The following CNTNAP2 variants were observed in gnomAD, a reference collection of about 807,000 sequenced individuals.
The protein encoded by CNTNAP2 is contactin associated protein 2.
In CNTNAP2, 98 loss-of-function variants were observed where a neutral mutation model predicts 155.2. The ratio of observed to expected loss-of-function variants is 0.63; its 90% CI spans 0.54 to 0.75. CNTNAP2 has a LOEUF of 0.75. CNTNAP2 is among the 30% of genes least tolerant of loss of function. CNTNAP2 has a pLI of 0.00. For missense variants in CNTNAP2, 1,727 were observed against 1,688.1 expected, an observed-to-expected ratio of 1.02 and a Z score of -0.40; for synonymous variants, 651 against 631.2, an observed-to-expected ratio of 1.03 and a Z score of -0.47.
At chr7:146,886,944 C>G (rs983334324) in intron 3 of CNTNAP2, among the ~76,000 whole-genome samples, 1 of 151,630 alleles carries the variant, frequency 6.6e-6, no homozygotes, top group Admixed American at 6.6e-5. Context: ...GACGTCTGCC[C>G]TGCTGCTCAG....
chr7:148,020,992 T>C (rs1188438583), intron 15 of CNTNAP2, among the ~76,000 whole-genome samples: 1 of 152,240 alleles, frequency 6.6e-6, no homozygotes, highest in African/African-American at 2.4e-5. Flanking sequence ...CTTTCTTGCA[T>C]TTCTTCTTCT....
chr7:147,840,474 C>G (rs1798710681), intron 13 of CNTNAP2, among the ~76,000 whole-genome samples: 2 of 152,114 alleles, frequency 1.3e-5, no homozygotes, highest in Non-Finnish European at 2.9e-5. Flanking sequence ...GTCCAGGTAG[C>G]TCTAGGAGAG....
At chr7:148,111,274 C>T (rs574977721) in intron 15 of CNTNAP2, among the ~76,000 whole-genome samples, 5 of 151,870 alleles carry the variant, frequency 3.3e-5, no homozygotes, top group East Asian at 3.9e-4. Flanking sequence ...GAAACAGAGG[C>T]GACAGAGAAA....
chr7:147,905,832 C>T (rs1216381930), intron 14 of CNTNAP2, among the ~76,000 whole-genome samples: 1 of 151,362 alleles, frequency 6.6e-6, no homozygotes, highest in African/African-American at 2.4e-5. Flanking sequence ...TGCAGTGAGC[C>T]AAGATCCCAG....
At chr7:146,901,033 A>C (rs199894761) in intron 3 of CNTNAP2, among the ~76,000 whole-genome samples, 1 of 74,496 alleles carries the variant, frequency 1.3e-5, no homozygotes, top group Non-Finnish European at 3.6e-5. Context: ...TAAAGTAGTA[A>C]TAATAATAAT....
rs191873542 is a variant in CNTNAP2, at chr7:148,173,745, A to C, written c.3010+1267A>C. On this transcript the variant is annotated intron_variant, in intron 18 of 23. Transcript: ENST00000361727. Reference sequence around the variant, plus strand: ...ATTGAATGGGCCTGCAGAACACATTAATTTTGCACTTGTAGAAATGACAGT... The same window carrying C: ...ATTGAATGGGCCTGCAGAACACATTCATTTTGCACTTGTAGAAATGACAGT... Among the ~76,000 whole-genome samples the C allele has an allele frequency of 2.6e-5, 4 of 152,348 alleles. No individual in the cohort carries two copies. In the East Asian group the frequency reaches 5.8e-4, roughly 22 times the overall value.
intron 1 of CNTNAP2, among the ~76,000 whole-genome samples, chr7:146,766,809 A>C (rs1450980556): frequency 1.3e-5 from 2 of 152,142 alleles, no homozygotes; most frequent in African/African-American, 2.4e-5. Flanking sequence ...TCCAAATTGG[A>C]AGGATTGAGA....
intron 1 of CNTNAP2, among the ~76,000 whole-genome samples, chr7:146,595,188 A>G (rs139803402): frequency 1.3e-5 from 2 of 152,236 alleles, no homozygotes; most frequent in Non-Finnish European, 2.9e-5. Flanking sequence ...ATTACTTGGC[A>G]TAAAAATTTC....
intron 8 of CNTNAP2, chr7:147,161,608 C>T (rs1802024941): frequency 7.6e-6 from 1 of 130,978 alleles, no homozygotes. Flanking sequence ...AAAGAGCTGA[C>T]TCATCATTCA....
intron 11 of CNTNAP2, among the ~76,000 whole-genome samples, chr7:147,535,791 A>G (rs1388568152): frequency 6.6e-6 from 1 of 152,226 alleles, no homozygotes; most frequent in African/African-American, 2.4e-5. Flanking sequence ...ATACAGCAGT[A>G]AAAACAGTTT....
intron 18 of CNTNAP2, among the ~76,000 whole-genome samples, chr7:148,182,643 C>G (rs1218217301): frequency 6.6e-6 from 1 of 152,198 alleles, no homozygotes; most frequent in Non-Finnish European, 1.5e-5. Context: ...ATTTTTACCT[C>G]TATTAATTCC....
At position 146,125,124 on chromosome 7, in the gene CNTNAP2, A is replaced by C. The variant is rs575388431; in HGVS notation, c.97+8151A>C. ...TTTCAATGGCAGTAATGAAATTTCC[A>C]AAAATGAAATTTAATCATGCCTCAT... On this transcript the variant is annotated intron_variant, in intron 1 of 23. Transcript: ENST00000361727. Among the ~76,000 whole-genome samples, 4 of 152,344 alleles carry C rather than the reference A, an allele frequency of 2.6e-5. No individual in the cohort carries two copies. The South Asian group carries it at 8.3e-4, about 32-fold the overall frequency.
At chr7:148,168,561 G>T in intron 17 of CNTNAP2, among the ~76,000 whole-genome samples, 1 of 124,068 alleles carries the variant, frequency 8.1e-6, no homozygotes, top group Non-Finnish European at 1.6e-5. Context: ...GGGGCCTGTT[G>T]TGGGGTGGGG....
In CNTNAP2 at chr7:146,406,544, G is replaced by A. The variant is rs115638826; in HGVS notation, c.97+289571G>A. Among the ~76,000 whole-genome samples the A allele has an allele frequency of 2.7e-3, 415 of 152,294 alleles. 4 individuals are homozygous for A. The highest frequency in any genetic ancestry group is 9.9e-3 in the African/African-American group (410 of 41,556). ...GTAGAATAAGGAGCTGAGATCTTGA[G>A]AGGCTGACATGCAGAAAAGCTGAGA... is the stretch of plus-strand genomic sequence containing the variant. On this transcript the variant is annotated intron_variant, in intron 1 of 23. Transcript: ENST00000361727.
intron 1 of CNTNAP2, among the ~76,000 whole-genome samples, chr7:146,433,925 G>A (rs1437568964): frequency 6.6e-6 from 1 of 152,132 alleles, no homozygotes; most frequent in Non-Finnish European, 1.5e-5. Context: ...CCTTCTTACG[G>A]TGCTGAAGGA....
chr7:148,112,493 T>G (rs1804374775), intron 15 of CNTNAP2, among the ~76,000 whole-genome samples: 2 of 151,906 alleles, frequency 1.3e-5, no homozygotes. Context: ...TGATCACAAT[T>G]CACTGCAACC....
intron 1 of CNTNAP2, among the ~76,000 whole-genome samples, chr7:146,195,589 A>G (rs1316097366): frequency 2.6e-5 from 4 of 152,228 alleles, no homozygotes; most frequent in African/African-American, 9.6e-5. Context: ...AGACTCTGTT[A>G]ATAGTTTTGC....
chr7:146,701,075 A>G (rs960538862), intron 1 of CNTNAP2, among the ~76,000 whole-genome samples: 1 of 152,116 alleles, frequency 6.6e-6, no homozygotes, highest in Admixed American at 6.6e-5. Context: ...AACAAGGATG[A>G]TTTTTCCAAG....
At chr7:147,947,505 G>C (rs1217068155) in intron 14 of CNTNAP2, among the ~76,000 whole-genome samples, 1 of 151,346 alleles carries the variant, frequency 6.6e-6, no homozygotes, top group East Asian at 1.9e-4. Flanking sequence ...GTGCATGCCT[G>C]TGGTCCCAGG....
Sources: gnomAD v4.1 joint callset for allele counts (sites outside exome capture counted in the v4.1 genomes callset) on GRCh38, gnomAD v4.1.1 for gene constraint, MANE v1.5 for transcripts, NCBI Gene and HGNC (gene_info 2026-07-23, HGNC 2026-07-21) for gene names.